PINLYP: variants seen among roughly 807,000 people sequenced by gnomAD.
PINLYP encodes phospholipase A2 inhibitor and Ly6/PLAUR domain-containing protein.
Under a neutral mutation model 15.8 loss-of-function variants are expected in PINLYP, and 12 were observed. The ratio of observed to expected loss-of-function variants is 0.76; its 90% confidence interval spans 0.49 to 1.23. PINLYP has a LOEUF of 1.23. Among genes scored for constraint, PINLYP ranks in the 50% most tolerant of loss-of-function variants. PINLYP has a pLI of 0.00. For synonymous variants in PINLYP, 93 were observed against 97.7 expected, an observed-to-expected ratio of 0.95 and a Z score of 0.28; for missense variants, 278 against 264.2, an observed-to-expected ratio of 1.05 and a Z score of -0.36.
chr19:43,576,389 A>G (rs1478823256), exon 1 of PINLYP, among the ~76,000 whole-genome samples: 1 of 152,014 alleles, frequency 6.6e-6, no homozygotes, highest in African/African-American at 2.4e-5. Context: ...GAAAAAAATT[A>G]GCAGATCTCT....
chr19:43,576,645 G>A (rs1972868481), exon 1 of PINLYP, among the ~76,000 whole-genome samples: 1 of 152,158 alleles, frequency 6.6e-6, no homozygotes, highest in African/African-American at 2.4e-5. Flanking sequence ...CCCTGGGTGG[G>A]GTCGCAGCTG....
chr19:43,580,595 C>T (rs1383124384), intron 3 of PINLYP: 1 of 943,848 alleles, frequency 1.1e-6, no homozygotes, highest in Admixed American at 1.2e-4. Flanking sequence ...AGAGTAATCC[C>T]GGAAGGACAG....
Position 43,581,288 on chromosome 19 carries a change from C to G in PINLYP, c.264C>G (p.Thr88=). The change falls in exon 4 of 6, where the codon ACC becomes ACG. Residue 88 remains threonine, a synonymous_variant. Transcript: ENST00000599207. ...GCTACTCCGGCGTTATATCCACCAC[C>G]ATGGGCCCCAAGGACCACATGGTAA... 6 of 1,537,144 alleles carry G rather than the reference C, an allele frequency of 3.9e-6. No individual in the cohort carries two copies. In the South Asian group the frequency reaches 4.8e-5, roughly 12 times the overall value.
In PINLYP at chr19:43,577,580, A is replaced by G. The variant is rs1972882012; in HGVS notation, c.70+319A>G. ...AGATGAGAGCATGGCTGGAAAGGGA[A>G]ATCTTTAAAAATATAATTAAAAAAA... On this transcript the variant is annotated intron_variant, in intron 2 of 5. Transcript: ENST00000599207. 2.7e-5 allele frequency among the ~76,000 whole-genome samples: 4 copies of G among 146,346 alleles called. No homozygotes were observed. The South Asian group carries it at 9.1e-4, about 33-fold the overall frequency.
exon 6 of PINLYP, chr19:43,581,950 A>G (rs748289848): frequency 6.5e-7 from 1 of 1,536,446 alleles, no homozygotes; most frequent in South Asian, 1.2e-5. Context: ...AAGTACCCAC[A>G]GGCACCAATG....
intron 2 of PINLYP, among the ~76,000 whole-genome samples, chr19:43,577,598 T>TAA (rs111421268): frequency 3.9e-4 from 56 of 142,222 alleles, no homozygotes; most frequent in Admixed American, 5.6e-4. Context: ...AAAATATAAT[T>TAA]AAAAAAAAAA....
exon 5 of PINLYP, chr19:43,581,674 G>T (rs1972935814): frequency 1.3e-6 from 2 of 1,536,418 alleles, no homozygotes; most frequent in East Asian, 4.9e-5. Flanking sequence ...GAAAACCACT[G>T]CGTCTCCTTA....
chr19:43,579,709 G>C (rs548865438), intron 3 of PINLYP, among the ~76,000 whole-genome samples: 6 of 143,530 alleles, frequency 4.2e-5, no homozygotes, highest in African/African-American at 7.8e-5. Flanking sequence ...GACCAGCCTG[G>C]ACAACAAAAA....
At chr19:43,578,596 C>G in exon 3 of PINLYP, 1 of 1,535,216 alleles carries the variant, frequency 6.5e-7, no homozygotes, top group African/African-American at 1.4e-5. Flanking sequence ...GCAGGGTGCC[C>G]ACTACACTGC....
Position 43,581,558 on chromosome 19 carries a change from C to T in PINLYP, c.341-5C>T, listed in dbSNP as rs1972932841. On this transcript the variant is annotated splice_region_variant and splice_polypyrimidine_tract_variant and intron_variant, in intron 4 of 5. Coordinates refer to ENST00000599207, the Ensembl canonical transcript of PINLYP. ...ATTCACCTTACACTTCATCCTCATC[C>T]TCAGTTCCCTTGACCAATCTTACTG... 6.5e-7 allele frequency: 1 copy of T among 1,534,096 alleles called. No individual in the cohort carries two copies. The highest frequency in any genetic ancestry group is 8.7e-7 in the Non-Finnish European group (1 of 1,145,778).
At chr19:43,578,799 T>C in intron 3 of PINLYP, 93 bp downstream of exon 3, 1 of 922,062 alleles carries the variant, frequency 1.1e-6, no homozygotes, top group Non-Finnish European at 1.7e-6. Context: ...ATCATGGTTC[T>C]CAAGACGGGA....
At chr19:43,581,496 G>T in intron 4 of PINLYP, 67 bp from the exon 5 acceptor site, 1 of 1,509,802 alleles carries the variant, frequency 6.6e-7, no homozygotes, top group Non-Finnish European at 8.8e-7. Context: ...GTTTCCCGGG[G>T]TTGTTGGGAG....
At chr19:43,580,780 C>G (rs1972920763) in intron 3 of PINLYP, 4 of 799,636 alleles carry the variant, frequency 5.0e-6, no homozygotes, top group Admixed American at 1.2e-4. Flanking sequence ...ACAGATTTGG[C>G]CGCATGGCTC....
chr19:43,581,692 A>T, exon 5 of PINLYP: 1 of 1,536,374 alleles, frequency 6.5e-7, no homozygotes, highest in African/African-American at 1.4e-5. Context: ...TTATCTGGAC[A>T]CGTGCAGGCT....
exon 4 of PINLYP, chr19:43,581,222 G>A: frequency 1.3e-6 from 2 of 1,536,992 alleles, no homozygotes; most frequent in South Asian, 1.2e-5. Flanking sequence ...AGGGCAAGGA[G>A]TTGGTGCACA....
chr19:43,575,708 C>G, upstream of PINLYP: 2 of 393,856 alleles, frequency 5.1e-6, no homozygotes, highest in East Asian at 7.8e-5. Flanking sequence ...CCGCCTCCCT[C>G]CGCCACACAC....
At position 43,577,102 on chromosome 19, in the gene PINLYP, T is replaced by A. The variant is rs1972874576; in HGVS notation, c.-77-13T>A. 2 of 1,534,734 alleles carry A rather than the reference T, an allele frequency of 1.3e-6. No individual in the cohort carries two copies. Among genetic ancestry groups the A allele is most frequent in the Admixed American group, 3.9e-5 (2 of 50,894 alleles). ...CTGCCCTGGGTTCTGACCTCAGCTA[T>A]TTCTCCCCGTAGGGTGAATGTGGGT... On this transcript the variant is annotated splice_polypyrimidine_tract_variant and intron_variant, in intron 1 of 5. Transcript: ENST00000599207.
intron 2 of PINLYP, among the ~76,000 whole-genome samples, chr19:43,578,354 C>T: frequency 6.6e-6 from 1 of 152,212 alleles, no homozygotes; most frequent in Non-Finnish European, 1.5e-5. Context: ...TGTAATTAGG[C>T]AAACAGGCTT....
At chr19:43,579,393 G>A (rs904848796) in intron 3 of PINLYP, among the ~76,000 whole-genome samples, 3 of 151,698 alleles carry the variant, frequency 2.0e-5, no homozygotes, top group Non-Finnish European at 4.4e-5. Context: ...TTACAGGTGC[G>A]TGCCACCACA....
Sources: gnomAD v4.1 joint callset for allele counts (sites outside exome capture counted in the v4.1 genomes callset) on GRCh38, gnomAD v4.1.1 for gene constraint, MANE v1.5 for transcripts, NCBI Gene and HGNC (gene_info 2026-07-23, HGNC 2026-07-21) for gene names.